Variants in DMD observed in about 807,000 individuals in gnomAD.
The protein encoded by DMD is dystrophin, also known as mutant dystrophin.
DMD carries 63 observed loss-of-function variants against 330.1 expected under a neutral mutation model. That is an observed-to-expected ratio of 0.19 (90% CI 0.16 to 0.24). The LOEUF (loss-of-function observed/expected upper bound fraction) is 0.24, where lower values mean the gene tolerates loss of function less well. Ranked by LOEUF, DMD falls within the 10% of genes least tolerant of loss-of-function variation. The pLI is 1.00. For missense variants in DMD, 3,344 were observed against 2,684.1 expected (o/e 1.25, Z -5.43); for synonymous variants, 1,223 against 959.8 (o/e 1.27, Z -5.07).
At chrX:32,765,962 A>T (rs1431918858) in intron 7 of DMD, among the ~76,000 whole-genome samples, 1 of 111,728 alleles carries the variant, frequency 9.0e-6, no homozygotes, top group Non-Finnish European at 1.9e-5. Flanking sequence ...GCTTCATTAA[A>T]AAATCATTAA....
chrX:32,721,082 G>C (rs932916594), intron 7 of DMD, among the ~76,000 whole-genome samples: 1 of 111,240 alleles, frequency 9.0e-6, no homozygotes, highest in East Asian at 2.8e-4. Flanking sequence ...GTGTGTGTGT[G>C]TGTGTCACAA....
chrX:32,790,991 C>A (rs1198709508), intron 7 of DMD, among the ~76,000 whole-genome samples: 1 of 110,799 alleles, frequency 9.0e-6, no homozygotes, highest in Non-Finnish European at 1.9e-5. Flanking sequence ...CCAAATCCCC[C>A]AGTACATAAA....
rs926599662 is a variant in DMD at position 32,012,022 on chromosome X, G to GC, written c.6439-43509dup. Among the ~76,000 whole-genome samples the GC allele has an allele frequency of 8.1e-5, 9 of 111,615 alleles. No homozygotes were observed. The East Asian group carries it at 2.6e-3, about 32-fold the overall frequency. On this transcript the variant is annotated intron_variant, in intron 44 of 78. Coordinates refer to ENST00000357033, the MANE Select transcript of DMD (RefSeq NM_004006.3). Reference sequence around the variant, plus strand: ...CTCCTCAAGTCTAAACAGTTGTCAAGCCCCCCCAGTCCTTTCAACTTTCAT... The same window carrying GC: ...CTCCTCAAGTCTAAACAGTTGTCAAGCCCCCCCCAGTCCTTTCAACTTTCAT...
chrX:32,668,293 G>T (rs1602733066), intron 9 of DMD, among the ~76,000 whole-genome samples: 1 of 112,440 alleles, frequency 8.9e-6, no homozygotes, highest in Middle Eastern at 4.6e-3. Flanking sequence ...CACCCTCAGT[G>T]TATACACTCA....
intron 52 of DMD, among the ~76,000 whole-genome samples, chrX:31,721,718 CTA>C (rs1226368643): frequency 0.017 from 951 of 56,239 alleles, 6 homozygotes; most frequent in Middle Eastern, 0.033. Context: ...CTCTCTCTCT[CTA>C]TATATATATA....
intron 13 of DMD, among the ~76,000 whole-genome samples, chrX:32,589,221 C>T (rs1248044660): frequency 1.8e-5 from 2 of 111,508 alleles, no homozygotes. Flanking sequence ...AGGATGCTGC[C>T]ATCTGAGAAA....
At chrX:32,135,610 C>A (rs755541783) in intron 44 of DMD, among the ~76,000 whole-genome samples, 2 of 111,722 alleles carry the variant, frequency 1.8e-5, no homozygotes, top group African/African-American at 6.5e-5. Flanking sequence ...GTAGCCTCAG[C>A]TACCCGGGAG....
At chrX:32,438,489 G>T in intron 28 of DMD, 99 bp from the exon 29 acceptor site, 1 of 1,017,546 alleles carries the variant, frequency 9.8e-7, no homozygotes, top group Non-Finnish European at 1.4e-6. Flanking sequence ...ATATAATTAA[G>T]TCATAATCAA....
At chrX:33,092,832 G>A (rs1274168231) in intron 1 of DMD, among the ~76,000 whole-genome samples, 3 of 110,109 alleles carry the variant, frequency 2.7e-5, no homozygotes, top group Non-Finnish European at 3.8e-5. Flanking sequence ...GTTCCTCCTC[G>A]TCTTGTAGCA....
chrX:32,294,242 G>C (rs781341183), intron 42 of DMD, among the ~76,000 whole-genome samples: 2 of 112,413 alleles, frequency 1.8e-5, no homozygotes, highest in South Asian at 3.7e-4. Flanking sequence ...TGAATGAAAG[G>C]CTGATTACTT....
intron 37 of DMD, among the ~76,000 whole-genome samples, chrX:32,357,808 C>T (rs1043743152): frequency 2.1e-4 from 23 of 110,909 alleles, no homozygotes; most frequent in South Asian, 3.8e-4. Flanking sequence ...GCCTTATCAT[C>T]CACAACTAAG....
chrX:32,447,155 C>T (rs1349249772), intron 27 of DMD, among the ~76,000 whole-genome samples: 1 of 110,425 alleles, frequency 9.1e-6, no homozygotes, highest in Non-Finnish European at 1.9e-5. Flanking sequence ...TGTCAGAAAG[C>T]ATTTCCTGGG....
chrX:31,209,414 G>A, intron 65 of DMD, 84 bp downstream of exon 65: 1 of 954,203 alleles, frequency 1.0e-6, no homozygotes, highest in Non-Finnish European at 1.5e-6. Flanking sequence ...CCAGGGCCCT[G>A]TTGTAATGCT....
At chrX:31,408,358 G>A (rs967409966) in intron 60 of DMD, among the ~76,000 whole-genome samples, 2 of 111,572 alleles carry the variant, frequency 1.8e-5, no homozygotes, top group Admixed American at 9.5e-5. Context: ...TTTCTCCTGC[G>A]AAACATATCT....
At chrX:33,099,806 GACA>G (rs2095218654) in intron 1 of DMD, among the ~76,000 whole-genome samples, 1 of 111,190 alleles carries the variant, frequency 9.0e-6, no homozygotes, top group African/African-American at 3.3e-5. Context: ...CTTTCATAAA[GACA>G]ACGTGTACTG....
At chrX:31,748,339 A>C (rs1366085394) in intron 51 of DMD, among the ~76,000 whole-genome samples, 2 of 112,119 alleles carry the variant, frequency 1.8e-5, no homozygotes, top group Admixed American at 9.5e-5. Context: ...GGAGCATTAA[A>C]TATTCGTACA....
chrX:31,329,690 C>T (rs1483303973), intron 61 of DMD, among the ~76,000 whole-genome samples: 2 of 110,433 alleles, frequency 1.8e-5, no homozygotes, highest in African/African-American at 3.3e-5. Context: ...GGGTCCACCT[C>T]GGCCGGGCGC....
At chrX:31,540,588 C>A (rs771447243) in intron 55 of DMD, among the ~76,000 whole-genome samples, 1 of 112,125 alleles carries the variant, frequency 8.9e-6, no homozygotes, top group East Asian at 2.8e-4. Flanking sequence ...AGAGACACTG[C>A]TGCTCATACA....
intron 7 of DMD, among the ~76,000 whole-genome samples, chrX:32,736,966 A>T (rs2148127385): frequency 8.9e-6 from 1 of 111,850 alleles, no homozygotes; most frequent in African/African-American, 3.2e-5. Context: ...AATGTTTGTT[A>T]AAATAACCAT....
Sources: gnomAD v4.1 joint callset for allele counts (sites outside exome capture counted in the v4.1 genomes callset) on GRCh38, gnomAD v4.1.1 for gene constraint, MANE v1.5 for transcripts, NCBI Gene and HGNC (gene_info 2026-07-23, HGNC 2026-07-21) for gene names.